Variants in PTPN13 observed in about 807,000 individuals in gnomAD.
The protein encoded by PTPN13 is tyrosine-protein phosphatase non-receptor type 13.
In PTPN13, 191 loss-of-function variants were observed where a neutral mutation model predicts 284.0. The observed-to-expected ratio is 0.67, with a 90% CI of 0.60 to 0.76. The LOEUF is 0.76. Among genes scored for constraint, PTPN13 ranks in the 30% least tolerant of loss-of-function variants. The pLI is 0.00. For synonymous variants in PTPN13, 986 were observed against 1,022.3 expected, an observed-to-expected ratio of 0.96 and a Z score of 0.68; for missense variants, 2,797 against 2,939.9, an observed-to-expected ratio of 0.95 and a Z score of 1.12.
intron 40 of PTPN13, among the ~76,000 whole-genome samples, chr4:86,796,365 T>A (rs376291066): frequency 3.9e-4 from 59 of 152,306 alleles, no homozygotes; most frequent in African/African-American, 1.4e-3. Context: ...CTGGCTTCAG[T>A]GGCTCACACC....
At chr4:86,798,138 G>C (rs1220842106) in intron 41 of PTPN13, among the ~76,000 whole-genome samples, 1 of 152,078 alleles carries the variant, frequency 6.6e-6, no homozygotes, top group Non-Finnish European at 1.5e-5. Flanking sequence ...AAGTCAGAAG[G>C]AGCCAAATAA....
At position 86,767,889 on chromosome 4, in the gene PTPN13, A is replaced by T; in HGVS notation, c.4402A>T (p.Thr1468Ser). The T allele has an allele frequency of 1.2e-6, 2 of 1,608,620 alleles. No homozygotes were observed. Among genetic ancestry groups the T allele is most frequent in the Non-Finnish European group, 1.7e-6 (2 of 1,177,180 alleles). Residue 1468 changes from threonine to serine, a missense_variant, in exon 28 of 48, where the codon ACC becomes TCC. Physicochemically the swap from Thr to Ser is moderately conservative, Grantham distance 58. Transcript: ENST00000411767. Reference protein sequence around the residue: ...KEHVPVTPQCTLSDQNAQGQG... With the variant: ...KEHVPVTPQCSLSDQNAQGQG... The stretch of plus-strand genomic sequence containing the variant: ...ACATGTCCCGGTAACCCCACAGTGT[A>T]CCCTTTCAGATCAGAATGCCCAAGG...
At chr4:86,601,655 G>T (rs1358956427) in intron 1 of PTPN13, among the ~76,000 whole-genome samples, 1 of 152,056 alleles carries the variant, frequency 6.6e-6, no homozygotes, top group Non-Finnish European at 1.5e-5. Flanking sequence ...TCAGGTTTAT[G>T]TTAGTACATC....
chr4:86,724,055 A>G (rs1342113829), intron 10 of PTPN13, among the ~76,000 whole-genome samples: 7 of 152,226 alleles, frequency 4.6e-5, no homozygotes, highest in African/African-American at 1.2e-4. Flanking sequence ...CATGTATTCT[A>G]TTCCTTATGA....
chr4:86,660,199 G>T (rs1019944098), intron 2 of PTPN13, among the ~76,000 whole-genome samples: 1 of 152,108 alleles, frequency 6.6e-6, no homozygotes, highest in Admixed American at 6.5e-5. Context: ...CAGTCTAAGG[G>T]TCGATCTGTT....
At chr4:86,793,844 C>G (rs995682017) in intron 40 of PTPN13, among the ~76,000 whole-genome samples, 2 of 152,126 alleles carry the variant, frequency 1.3e-5, no homozygotes, top group African/African-American at 4.8e-5. Flanking sequence ...CTCTGGGACA[C>G]ATTTAAAGCA....
intron 10 of PTPN13, among the ~76,000 whole-genome samples, chr4:86,727,979 G>A (rs1734475966): frequency 6.7e-6 from 1 of 149,478 alleles, no homozygotes; most frequent in African/African-American, 2.4e-5. Flanking sequence ...TCTACACACT[G>A]CTTTGAATGT....
chr4:86,602,446 A>C (rs1764375708), intron 1 of PTPN13, among the ~76,000 whole-genome samples: 1 of 152,106 alleles, frequency 6.6e-6, no homozygotes, highest in Non-Finnish European at 1.5e-5. Context: ...AATATTAGCT[A>C]TTATTATTTT....
intron 7 of PTPN13, among the ~76,000 whole-genome samples, chr4:86,715,435 TGTA>T (rs369607928): frequency 9.7e-4 from 148 of 152,228 alleles, no homozygotes; most frequent in African/African-American, 3.3e-3. Flanking sequence ...CTGCTATAAA[TGTA>T]GTTGGGAGCC....
intron 20 of PTPN13, among the ~76,000 whole-genome samples, chr4:86,756,191 G>T (rs893591205): frequency 6.6e-6 from 1 of 151,894 alleles, no homozygotes; most frequent in African/African-American, 2.4e-5. Flanking sequence ...GCTTTAATCT[G>T]TTCTCTCTTA....
rs1449670276 is a variant in PTPN13, at chr4:86,807,763, A to G, written c.6949A>G (p.Ile2317Val). Reference sequence around the variant, plus strand: ...GACTCAAGAAGTAGAAGGAGAAAAAATCAAATGCCAGCGCTATTGGCCCAA... The same window carrying G: ...GACTCAAGAAGTAGAAGGAGAAAAAGTCAAATGCCAGCGCTATTGGCCCAA... ...MMTQEVEGEK[I>V]KCQRYWPNIL... Residue 2317 changes from isoleucine to valine, a missense_variant, in exon 45 of 48, where the codon ATC becomes GTC. Physicochemically the swap from Ile to Val is conservative, Grantham distance 29 (BLOSUM62 3). Transcript: ENST00000411767. 1 of 1,613,952 alleles carries G rather than the reference A, an allele frequency of 6.2e-7. No individual in the cohort carries two copies. The highest frequency in any genetic ancestry group is 8.5e-7 in the Non-Finnish European group (1 of 1,179,916).
chr4:86,681,908 G>A (rs1368769062), intron 3 of PTPN13, among the ~76,000 whole-genome samples: 4 of 151,664 alleles, frequency 2.6e-5, no homozygotes, highest in African/African-American at 9.7e-5. Context: ...CAGCCTGGGC[G>A]ACAGAGTGAG....
chr4:86,695,196 G>T (rs536462139), intron 6 of PTPN13, among the ~76,000 whole-genome samples: 1 of 151,996 alleles, frequency 6.6e-6, no homozygotes, highest in East Asian at 1.9e-4. Context: ...CATTTCATTG[G>T]TATAGTAATT....
At chr4:86,621,633 T>C in intron 1 of PTPN13, among the ~76,000 whole-genome samples, 1 of 152,168 alleles carries the variant, frequency 6.6e-6, no homozygotes. Context: ...TGTTGATGTG[T>C]TAGATTACTG....
At chr4:86,690,023 A>T (rs754072773) in intron 5 of PTPN13, 3 of 300,092 alleles carry the variant, frequency 1.0e-5, no homozygotes, top group Admixed American at 5.0e-5. Context: ...AGGATGTCAG[A>T]TGGCTGCCAG....
intron 16 of PTPN13, among the ~76,000 whole-genome samples, chr4:86,743,001 AT>A (rs1328447814): frequency 6.6e-6 from 1 of 152,168 alleles, no homozygotes; most frequent in Non-Finnish European, 1.5e-5. Flanking sequence ...ATTTAATAGC[AT>A]TCATTTTTCC....
In PTPN13 at chr4:86,803,753, G is replaced by A. The variant is rs369961938; in HGVS notation, c.6550G>A (p.Val2184Ile). Residue 2184 changes from valine to isoleucine, a missense_variant, in exon 43 of 48, where the codon GTC (valine) becomes ATC (isoleucine). Val to Ile is a conservative substitution (Grantham distance 29). Transcript: ENST00000411767. ...CGATGAGCTCGCTGTACTCCCTGTCGTCAAAGTGCTTCCCTCTGGTAAATA... is the reference window on the plus strand; with the variant it reads ...CGATGAGCTCGCTGTACTCCCTGTCATCAAAGTGCTTCCCTCTGGTAAATA... ...TNDELAVLPV[V>I]KVLPSGKYTG... The A allele has an allele frequency of 8.3e-5, 134 of 1,613,724 alleles. No individual in the cohort carries two copies. The East Asian group carries it at 1.4e-3, about 17-fold the overall frequency.
At chr4:86,796,780 C>A in intron 40 of PTPN13, 94 bp from the exon 41 acceptor site, 1 of 765,544 alleles carries the variant, frequency 1.3e-6, no homozygotes, top group Non-Finnish European at 2.2e-6. Context: ...TGAACAATAA[C>A]AGTAAATATA....
Position 86,762,792 on chromosome 4 carries a change from C to A in PTPN13, c.3619C>A (p.Gln1207Lys). ...CTACATGAAGAAATCTTCCTACATG[C>A]AAGACAGTGCTATAGATTCTTCTTC... Reference protein sequence around the residue: ...KNYMKKSSYMQDSAIDSSSKD... With the variant: ...KNYMKKSSYMKDSAIDSSSKD... Residue 1207 changes from glutamine to lysine, a missense_variant, in exon 24 of 48, where the codon CAA becomes AAA. Coordinates refer to ENST00000411767, the MANE Select transcript of PTPN13 (RefSeq NM_080683.3). 1 of 1,612,122 alleles carries A rather than the reference C, an allele frequency of 6.2e-7. No homozygotes were observed. Among genetic ancestry groups the A allele is most frequent in the Non-Finnish European group, 8.5e-7 (1 of 1,178,340 alleles).
Sources: allele counts gnomAD v4.1 joint callset (sites outside exome capture counted in the v4.1 genomes callset), GRCh38; gene constraint gnomAD v4.1.1; transcripts MANE v1.5; gene names NCBI Gene and HGNC (gene_info 2026-07-23, HGNC 2026-07-21).